STK38: variants seen among roughly 807,000 people sequenced by gnomAD.
The protein encoded by STK38 is serine/threonine kinase 38, also known as serine/threonine-protein kinase 38.
In STK38, 26 loss-of-function variants were observed where a neutral mutation model predicts 59.0. The ratio of observed to expected loss-of-function variants is 0.44; its 90% confidence interval spans 0.32 to 0.61. The LOEUF (loss-of-function observed/expected upper bound fraction) is 0.61. STK38 is among the 20% of genes least tolerant of loss of function. The pLI is 0.04. For synonymous variants in STK38, 175 were observed against 176.6 expected (o/e 0.99, Z 0.07); for missense variants, 433 against 566.0 (o/e 0.76, Z 2.38).
At chr6:36,503,524 A>G (rs1776890937) in intron 9 of STK38, among the ~76,000 whole-genome samples, 1 of 152,084 alleles carries the variant, frequency 6.6e-6, no homozygotes, top group Non-Finnish European at 1.5e-5. Context: ...TTTAAGCTTT[A>G]AAAACTGACA....
At chr6:36,497,922 G>T in intron 11 of STK38, 47 bp from the exon 12 acceptor site, 28 of 1,009,680 alleles carry the variant, frequency 2.8e-5, no homozygotes, top group Non-Finnish European at 3.9e-5. Flanking sequence ...AGTCTCCTCA[G>T]AAAAAGAAAA....
Position 36,497,764 on chromosome 6 carries a change from G to T in STK38, c.1172+16C>A. On this transcript the variant is annotated intron_variant, in intron 12 of 13. Transcript: ENST00000229812. ...GACTTTCTGAAATAATTCTGAAAGT[G>T]TTTATATGGATATACCTGATATGTT... The T allele has an allele frequency of 6.3e-7, 1 of 1,577,298 alleles. No homozygotes were observed. Among genetic ancestry groups the T allele is most frequent in the Non-Finnish European group, 8.7e-7 (1 of 1,155,030 alleles).
chr6:36,519,569 A>C (rs937461835), intron 5 of STK38, among the ~76,000 whole-genome samples: 5 of 152,320 alleles, frequency 3.3e-5, no homozygotes, highest in African/African-American at 9.6e-5. Context: ...CCATGAGCAC[A>C]CCTTGCCTTT....
At chr6:36,537,514 T>C (rs893921842) in intron 2 of STK38, among the ~76,000 whole-genome samples, 11 of 152,040 alleles carry the variant, frequency 7.2e-5, no homozygotes, top group Non-Finnish European at 1.5e-4. Flanking sequence ...AATAGGAGAA[T>C]GGACAAACAA....
intron 7 of STK38, 96 bp downstream of exon 7, chr6:36,515,242 C>G: frequency 1.4e-6 from 2 of 1,418,436 alleles, no homozygotes; most frequent in Non-Finnish European, 1.9e-6. Flanking sequence ...CAGGTCACAG[C>G]TCGCCCACTG....
At chr6:36,538,061 G>C (rs537773213) in intron 2 of STK38, among the ~76,000 whole-genome samples, 1 of 152,272 alleles carries the variant, frequency 6.6e-6, no homozygotes, top group Admixed American at 6.5e-5. Flanking sequence ...AGCACTTCAA[G>C]AGGCTGTGGC....
chr6:36,543,578 T>C (rs528778462), intron 1 of STK38, among the ~76,000 whole-genome samples: 10 of 152,164 alleles, frequency 6.6e-5, no homozygotes, highest in South Asian at 4.1e-4. Flanking sequence ...CTGGGTAACA[T>C]AGCAAGACCC....
intron 2 of STK38, among the ~76,000 whole-genome samples, chr6:36,535,278 G>A (rs750128587): frequency 2.6e-5 from 4 of 151,550 alleles, no homozygotes; most frequent in East Asian, 2.0e-4. Context: ...GTGAAACCCC[G>A]TCTCTATTAA....
intron 2 of STK38, 84 bp downstream of exon 2, chr6:36,539,988 C>G (rs1777892834): frequency 6.4e-7 from 1 of 1,568,434 alleles, no homozygotes; most frequent in Non-Finnish European, 8.6e-7. Context: ...CTATTCTTGT[C>G]TCCTTTCAGC....
chr6:36,507,447 G>C (rs1776995142), intron 8 of STK38, 53 bp downstream of exon 8: 1 of 1,448,606 alleles, frequency 6.9e-7, no homozygotes, highest in Non-Finnish European at 9.7e-7. Context: ...AAGGGAAACA[G>C]CTCTTCTAGG....
chr6:36,532,939 G>C (rs900069296), intron 2 of STK38, among the ~76,000 whole-genome samples: 4 of 151,918 alleles, frequency 2.6e-5, no homozygotes, highest in Middle Eastern at 3.4e-3. Context: ...CGACATGGTG[G>C]CGTGCTCCTG....
At chr6:36,504,003 G>A (rs913754697) in intron 9 of STK38, among the ~76,000 whole-genome samples, 2 of 152,142 alleles carry the variant, frequency 1.3e-5, no homozygotes, top group Non-Finnish European at 2.9e-5. Flanking sequence ...TTCTGTCTGG[G>A]TATTTCAAGT....
At chr6:36,508,777 C>A (rs1474320991) in intron 7 of STK38, among the ~76,000 whole-genome samples, 4 of 152,176 alleles carry the variant, frequency 2.6e-5, no homozygotes, top group Non-Finnish European at 5.9e-5. Flanking sequence ...CCAGCCACTG[C>A]ACACAGCCAG....
At chr6:36,525,537 A>G in intron 3 of STK38, 54 bp downstream of exon 3, 1 of 1,538,964 alleles carries the variant, frequency 6.5e-7, no homozygotes, top group Admixed American at 1.7e-5. Flanking sequence ...CTCACTGGAC[A>G]AGATACAACC....
chr6:36,536,856 T>C (rs1330516790), intron 2 of STK38, among the ~76,000 whole-genome samples: 1 of 151,922 alleles, frequency 6.6e-6, no homozygotes, highest in East Asian at 1.9e-4. Context: ...AATTTTTTTT[T>C]TTTAAAGAAG....
At chr6:36,538,749 G>A (rs567581987) in intron 2 of STK38, among the ~76,000 whole-genome samples, 2 of 151,836 alleles carry the variant, frequency 1.3e-5, no homozygotes, top group Admixed American at 6.6e-5. Context: ...AAAATTAGCT[G>A]GGCGTGGTGG....
chr6:36,506,845 TCACA>T lies in STK38; in HGVS notation c.773-205_773-202del, dbSNP rs57513476. Among the ~76,000 whole-genome samples, 53 of 152,050 alleles carry T rather than the reference TCACA, an allele frequency of 3.5e-4. No homozygotes were observed. The East Asian group carries it at 9.9e-3, about 28-fold the overall frequency. On this transcript the variant is annotated intron_variant, in intron 8 of 13. Transcript: ENST00000229812. ...GCTGTAAAGCATTAACTTAAAAGACTCACACAGAGTTGTAAAAGGCACTCCCATG... is the reference window on the plus strand; with the variant it reads ...GCTGTAAAGCATTAACTTAAAAGACTCAGAGTTGTAAAAGGCACTCCCATG...
rs1171220772 is a variant in STK38, at chr6:36,524,327, G to A, written c.306+14C>T. ...GCAATATTTTTCTACTTGACAAGTA[G>A]CTGTGATTTTTACCTCACCAAATGC... On this transcript the variant is annotated intron_variant, in intron 4 of 13. Transcript: ENST00000229812. 2.5e-6 allele frequency: 4 copies of A among 1,595,432 alleles called. No individual in the cohort carries two copies. Among genetic ancestry groups the A allele is most frequent in the Non-Finnish European group, 3.4e-6 (4 of 1,174,952 alleles).
At chr6:36,498,262 G>A (rs1181966843) in intron 11 of STK38, 101 bp downstream of exon 11, 2 of 1,457,704 alleles carry the variant, frequency 1.4e-6, no homozygotes, top group East Asian at 2.3e-5. Flanking sequence ...GGAATAGGAG[G>A]AAACAGAAAG....
Sources: gnomAD v4.1 joint callset for allele counts (sites outside exome capture counted in the v4.1 genomes callset) on GRCh38, gnomAD v4.1.1 for gene constraint, MANE v1.5 for transcripts, NCBI Gene and HGNC (gene_info 2026-07-23, HGNC 2026-07-21) for gene names.